Variants in VCAN observed in about 807,000 individuals in gnomAD.
VCAN encodes the protein versican.
Under a neutral mutation model 245.5 loss-of-function variants are expected in VCAN, and 44 were observed. The observed-to-expected ratio is 0.18, with a 90% CI of 0.14 to 0.23. The LOEUF is 0.23. Among genes scored for constraint, VCAN ranks in the 10% least tolerant of loss-of-function variants. The pLI, the probability that VCAN is intolerant of heterozygous loss-of-function variation, is 1.00. For missense variants in VCAN, 3,793 were observed against 4,057.9 expected, an observed-to-expected ratio of 0.93 and a Z score of 1.77; for synonymous variants, 1,413 against 1,437.0, an observed-to-expected ratio of 0.98 and a Z score of 0.38.
intron 1 of VCAN, 102 bp from the exon 2 acceptor site, chr5:83,483,411 A>T: frequency 2.2e-6 from 2 of 908,264 alleles, no homozygotes; most frequent in Non-Finnish European, 3.6e-6. Flanking sequence ...CTTAATGCTT[A>T]ATACTACCCT....
intron 9 of VCAN, among the ~76,000 whole-genome samples, chr5:83,546,906 C>T (rs1448120894): frequency 6.6e-6 from 1 of 152,038 alleles, no homozygotes; most frequent in African/African-American, 2.4e-5. Context: ...TTGCAAAATG[C>T]TATGGAAATA....
intron 12 of VCAN, among the ~76,000 whole-genome samples, chr5:83,563,356 A>G (rs1186274216): frequency 6.6e-6 from 1 of 152,118 alleles, no homozygotes; most frequent in Non-Finnish European, 1.5e-5. Context: ...AGTTAAATGC[A>G]CCACTCCCCC....
At chr5:83,531,360 G>A (rs974844029) in intron 7 of VCAN, 11 of 152,052 alleles carry the variant, frequency 7.2e-5, no homozygotes, top group African/African-American at 2.7e-4. Flanking sequence ...CACAAGGCTA[G>A]TTTACTTACT....
intron 5 of VCAN, among the ~76,000 whole-genome samples, chr5:83,494,611 G>A (rs1745099313): frequency 6.6e-6 from 1 of 152,138 alleles, no homozygotes; most frequent in South Asian, 2.1e-4. Flanking sequence ...ACAAATTTGA[G>A]TTCAATAGTA....
In VCAN at chr5:83,541,373, G is replaced by C. The variant is rs932583867; in HGVS notation, c.8370G>C (p.Gln2790His). ...LSIATTHLMD[Q>H]SVTEVPDVME... ...TTGCTACTACCCACCTTATGGATCAGAGTGTAACAGAGGTGCCTGATGTGA... is the reference window on the plus strand; with the variant it reads ...TTGCTACTACCCACCTTATGGATCACAGTGTAACAGAGGTGCCTGATGTGA... The change falls in exon 8 of 15, where the codon CAG becomes CAC. Residue 2790 changes from glutamine to histidine, a missense_variant. Transcript: ENST00000265077. The C allele has an allele frequency of 6.2e-7, 1 of 1,614,094 alleles. No homozygotes were observed. Among genetic ancestry groups the C allele is most frequent in the African/African-American group, 1.3e-5 (1 of 75,038 alleles).
chr5:83,547,838 A>G, intron 9 of VCAN, 133 bp from the exon 10 acceptor site: 1 of 742,298 alleles, frequency 1.3e-6, no homozygotes, highest in South Asian at 1.5e-5. Context: ...TATGCTAACA[A>G]ATTATACTTT....
Position 83,538,051 on chromosome 5 carries a change from A to G in VCAN, c.5048A>G (p.Glu1683Gly), listed in dbSNP as rs1428776140. The G allele has an allele frequency of 6.2e-7, 1 of 1,614,050 alleles. No homozygotes were observed. Among genetic ancestry groups the G allele is most frequent in the African/African-American group, 1.3e-5 (1 of 75,026 alleles). ...TSRIITESFF[E>G]VPATTIYPVS... The stretch of plus-strand genomic sequence containing the variant: ...AGGATAATCACAGAAAGCTTTTTTG[A>G]GGTTCCTGCAACCACCATTTATCCA... The change falls in exon 8 of 15, where the codon GAG (glutamate) becomes GGG (glycine). Residue 1683 changes from glutamate (E) to glycine (G), a missense_variant. Glu to Gly is a moderately conservative substitution (Grantham distance 98). Transcript: ENST00000265077.
At chr5:83,507,845 T>C (rs892910758) in intron 5 of VCAN, among the ~76,000 whole-genome samples, 2 of 152,348 alleles carry the variant, frequency 1.3e-5, no homozygotes, top group African/African-American at 4.8e-5. Context: ...AATGGATCAA[T>C]AGAAACTTTG....
chr5:83,556,551 T>C (rs1747673493), intron 12 of VCAN, among the ~76,000 whole-genome samples: 1 of 152,148 alleles, frequency 6.6e-6, no homozygotes. Flanking sequence ...CAGTAAGCAA[T>C]AGGAAACACA....
At chr5:83,530,141 T>C (rs1311856115) in intron 7 of VCAN, among the ~76,000 whole-genome samples, 1 of 152,144 alleles carries the variant, frequency 6.6e-6, no homozygotes. Flanking sequence ...ATTGGCTCTA[T>C]AGGACCTAAG....
chr5:83,490,555 T>A, intron 3 of VCAN, 83 bp downstream of exon 3: 2 of 1,589,498 alleles, frequency 1.3e-6, no homozygotes, highest in Non-Finnish European at 1.7e-6. Context: ...CAGAAGTAAC[T>A]GTTGTTTGGG....
intron 1 of VCAN, among the ~76,000 whole-genome samples, chr5:83,479,120 T>C (rs1744524833): frequency 6.6e-6 from 1 of 152,172 alleles, no homozygotes; most frequent in Admixed American, 6.5e-5. Flanking sequence ...TGCTGTACAA[T>C]GATTCTTTCT....
chr5:83,539,130 G>C lies in VCAN; in HGVS notation c.6127G>C (p.Glu2043Gln). Reference protein sequence around the residue: ...FSGTASSIIDEGLGEVGTVNE... With the variant: ...FSGTASSIIDQGLGEVGTVNE... ...TGGTACAGCTTCCTCCATTATCGAC[G>C]AAGGATTGGGAGAAGTGGGTACTGT... The change falls in exon 8 of 15, where the codon GAA becomes CAA. Residue 2043 changes from glutamate to glutamine, a missense_variant. Physicochemically the swap from Glu to Gln is conservative, Grantham distance 29. This residue lies in a region of VCAN where 3,182 missense variants were observed against 3,250.3 expected (regional missense o/e 0.98). Coordinates refer to ENST00000265077, the MANE Select transcript of VCAN (RefSeq NM_004385.5). The C allele has an allele frequency of 1.2e-6, 2 of 1,613,988 alleles. No individual in the cohort carries two copies. The highest frequency in any genetic ancestry group is 1.7e-6 in the Non-Finnish European group (2 of 1,179,974).
chr5:83,473,014 C>T (rs1352135937), intron 1 of VCAN, among the ~76,000 whole-genome samples: 3 of 152,192 alleles, frequency 2.0e-5, no homozygotes, highest in Non-Finnish European at 4.4e-5. Flanking sequence ...TACAGGAGTC[C>T]TCCGTTTCCT....
chr5:83,576,359 TTA>T (rs1238348940), intron 13 of VCAN, among the ~76,000 whole-genome samples: 7 of 152,176 alleles, frequency 4.6e-5, no homozygotes, highest in African/African-American at 1.7e-4. Context: ...TTGTTCAGCA[TTA>T]TGTTTGTGAG....
Position 83,539,784 on chromosome 5 carries a change from G to A in VCAN, c.6781G>A (p.Glu2261Lys), listed in dbSNP as rs1746891150. The part of the protein sequence containing the change: ...LLFSGLGSGE[E>K]VLPTLPTESV... ...ATTCTCTGGACTGGGATCAGGAGAA[G>A]AAGTTTTACCTACTCTACCAACAGA... The change falls in exon 8 of 15, where the codon GAA (glutamate) becomes AAA (lysine). Residue 2261 changes from glutamate (E) to lysine (K), a missense_variant. By Grantham distance (56) the Glu-to-Lys change is moderately conservative. Coordinates refer to ENST00000265077, the MANE Select transcript of VCAN (RefSeq NM_004385.5). The A allele has an allele frequency of 6.2e-7, 1 of 1,613,892 alleles. No homozygotes were observed. Among genetic ancestry groups the A allele is most frequent in the South Asian group, 1.1e-5 (1 of 91,086 alleles).
chr5:83,570,768 T>A (rs542095919), intron 12 of VCAN, among the ~76,000 whole-genome samples: 2 of 151,810 alleles, frequency 1.3e-5, no homozygotes, highest in South Asian at 4.2e-4. Flanking sequence ...TTAAAAGACT[T>A]AAAAATAGTG....
chr5:83,489,123 G>C (rs1580601439), intron 2 of VCAN, among the ~76,000 whole-genome samples: 2 of 152,132 alleles, frequency 1.3e-5, no homozygotes, highest in South Asian at 4.1e-4. Flanking sequence ...TCATTTTGTT[G>C]GTTAAAAAAT....
In VCAN at chr5:83,539,834, A is replaced by ACAAATCAATAACACATTATATCCC; in HGVS notation, c.6834_6857dup (p.Gln2278_Pro2285dup). ...AGTCAGTGAATTTTACTGAAGTGGA[A>ACAAATCAATAACACATTATATCCC]CAAATCAATAACACATTATATCCCC... On this transcript the variant is annotated inframe_insertion, in exon 8 of 15. Coordinates refer to ENST00000265077, the MANE Select transcript of VCAN (RefSeq NM_004385.5). The ACAAATCAATAACACATTATATCCC allele has an allele frequency of 2.5e-6, 4 of 1,614,048 alleles. No individual in the cohort carries two copies. Among genetic ancestry groups the ACAAATCAATAACACATTATATCCC allele is most frequent in the Non-Finnish European group, 3.4e-6 (4 of 1,179,992 alleles).
Sources: allele counts gnomAD v4.1 joint callset (sites outside exome capture counted in the v4.1 genomes callset), GRCh38; gene constraint gnomAD v4.1.1; regional missense constraint gnomAD v4.1.1; transcripts MANE v1.5; gene names NCBI Gene and HGNC (gene_info 2026-07-23, HGNC 2026-07-21).